FRMPD4: variants seen among roughly 807,000 people sequenced by gnomAD.
FRMPD4 encodes FERM and PDZ domain-containing protein 4.
In FRMPD4, 22 loss-of-function variants were observed where a neutral mutation model predicts 94.1. That is an observed-to-expected ratio of 0.23 (90% CI 0.17 to 0.33). The LOEUF (loss-of-function observed/expected upper bound fraction) is 0.33. Ranked by LOEUF, FRMPD4 falls within the 10% of genes least tolerant of loss-of-function variation. The pLI, the probability that FRMPD4 is intolerant of heterozygous loss-of-function variation, is 1.00. For synonymous variants in FRMPD4, 631 were observed against 548.6 expected (o/e 1.15, Z -2.10); for missense variants, 1,111 against 1,339.9 (o/e 0.83, Z 2.67).
chrX:11,915,262 A>G (rs1286651258), intron 3 of FRMPD4, among the ~76,000 whole-genome samples: 1 of 112,641 alleles, frequency 8.9e-6, no homozygotes, highest in Non-Finnish European at 1.9e-5. Context: ...ATGGAAGGGT[A>G]ATAAAACAAT....
chrX:11,909,405 T>C (rs2053984776), intron 3 of FRMPD4, among the ~76,000 whole-genome samples: 1 of 111,935 alleles, frequency 8.9e-6, no homozygotes, highest in African/African-American at 3.2e-5. Flanking sequence ...GCTTCCTTTT[T>C]ATTCCTGACA....
chrX:11,927,186 T>C (rs1601842940), intron 3 of FRMPD4, among the ~76,000 whole-genome samples: 3 of 109,049 alleles, frequency 2.8e-5, no homozygotes, highest in Non-Finnish European at 1.9e-5. Flanking sequence ...GGAATACAGC[T>C]AATGGGGAGG....
chrX:11,973,303 C>T (rs2054350563), intron 3 of FRMPD4, among the ~76,000 whole-genome samples: 1 of 112,071 alleles, frequency 8.9e-6, no homozygotes, highest in South Asian at 3.7e-4. Context: ...TGCTGTGTTT[C>T]AAAGAAAGAT....
chrX:12,503,393 A>G (rs1243484923), intron 2 of FRMPD4, among the ~76,000 whole-genome samples: 1 of 111,980 alleles, frequency 8.9e-6, no homozygotes, highest in Non-Finnish European at 1.9e-5. Flanking sequence ...TCTACCAGCA[A>G]TTCCCACAGT....
chrX:12,549,314 T>C (rs1257090941), intron 2 of FRMPD4, among the ~76,000 whole-genome samples: 3 of 111,947 alleles, frequency 2.7e-5, no homozygotes, highest in African/African-American at 9.7e-5. Flanking sequence ...GACTCTTCTT[T>C]GCAAGTTATT....
At chrX:12,494,473 T>C (rs188584298) in intron 1 of FRMPD4, among the ~76,000 whole-genome samples, 1 of 112,030 alleles carries the variant, frequency 8.9e-6, no homozygotes, top group East Asian at 2.8e-4. Flanking sequence ...ACAAATCTAG[T>C]AAGTGGCAGA....
intron 3 of FRMPD4, among the ~76,000 whole-genome samples, chrX:11,898,166 G>A (rs2053914746): frequency 9.0e-6 from 1 of 111,081 alleles, no homozygotes; most frequent in South Asian, 3.8e-4. Flanking sequence ...AAGAGAGGCA[G>A]TCAGGGCTGG....
At chrX:12,252,263 C>T (rs1175161481) in intron 1 of FRMPD4, among the ~76,000 whole-genome samples, 1 of 111,392 alleles carries the variant, frequency 9.0e-6, no homozygotes, top group Admixed American at 9.6e-5. Flanking sequence ...CTAGGGTATG[C>T]ACAGCTTCTC....
At chrX:12,366,667 T>C (rs1346995257) in intron 1 of FRMPD4, among the ~76,000 whole-genome samples, 1 of 112,401 alleles carries the variant, frequency 8.9e-6, no homozygotes, top group Non-Finnish European at 1.9e-5. Flanking sequence ...AAATCTGATA[T>C]CTCACAAGAG....
intron 1 of FRMPD4, among the ~76,000 whole-genome samples, chrX:12,375,708 C>G (rs2056227600): frequency 8.9e-6 from 1 of 112,311 alleles, no homozygotes; most frequent in African/African-American, 3.2e-5. Context: ...ACAGACATGA[C>G]ACTAGAAGGT....
At chrX:12,464,661 C>T (rs952605679) in intron 1 of FRMPD4, among the ~76,000 whole-genome samples, 1 of 112,033 alleles carries the variant, frequency 8.9e-6, no homozygotes, top group Admixed American at 9.4e-5. Context: ...ATGGTATATA[C>T]ATGACGGCAA....
At chrX:12,431,195 G>T (rs1296613136) in intron 1 of FRMPD4, among the ~76,000 whole-genome samples, 1 of 112,542 alleles carries the variant, frequency 8.9e-6, no homozygotes, top group East Asian at 2.8e-4. Flanking sequence ...TGCTCTCAAG[G>T]AATCAAGGAG....
intron 3 of FRMPD4, among the ~76,000 whole-genome samples, chrX:12,123,989 C>T (rs1413260614): frequency 9.0e-6 from 1 of 111,362 alleles, no homozygotes; most frequent in East Asian, 2.8e-4. Flanking sequence ...CTCTAACCTC[C>T]TCTTTGACCT....
At chrX:12,542,100 G>T (rs1357555853) in intron 2 of FRMPD4, among the ~76,000 whole-genome samples, 1 of 111,768 alleles carries the variant, frequency 8.9e-6, no homozygotes, top group Non-Finnish European at 1.9e-5. Flanking sequence ...AAAATAATAA[G>T]AACTATTTAT....
chrX:12,353,254 A>C (rs1342408595), intron 1 of FRMPD4, among the ~76,000 whole-genome samples: 1 of 112,068 alleles, frequency 8.9e-6, no homozygotes, highest in Non-Finnish European at 1.9e-5. Flanking sequence ...ATTGACCAGC[A>C]CAAGTCCACA....
chrX:12,247,268 C>T (rs1457365550), intron 1 of FRMPD4, among the ~76,000 whole-genome samples: 1 of 111,312 alleles, frequency 9.0e-6, no homozygotes, highest in Non-Finnish European at 1.9e-5. Context: ...TGTCAAATGG[C>T]CCCTGGAAGA....
Position 12,706,479 on chromosome X carries a change from A to G in FRMPD4, c.1198-347A>G, listed in dbSNP as rs145948585. On this transcript the variant is annotated intron_variant, in intron 11 of 16. Coordinates refer to ENST00000675598, the MANE Select transcript of FRMPD4 (RefSeq NM_001368397.1). The stretch of plus-strand genomic sequence containing the variant: ...CACCTTTGTCCCTAATTGCAAGTAG[A>G]AGGCCCACTCACCTCTTGAAATCTC... 6.2e-3 allele frequency among the ~76,000 whole-genome samples: 696 copies of G among 111,674 alleles called. 5 individuals are homozygous for G. Among genetic ancestry groups the G allele is most frequent in the Middle Eastern group, 0.028 (6 of 218 alleles).
intron 2 of FRMPD4, among the ~76,000 whole-genome samples, chrX:12,502,339 A>C (rs2057930932): frequency 8.9e-6 from 1 of 112,405 alleles, no homozygotes; most frequent in Non-Finnish European, 1.9e-5. Flanking sequence ...TGTTTAAGAA[A>C]TATGATAGAT....
intron 1 of FRMPD4, among the ~76,000 whole-genome samples, chrX:12,276,751 G>A (rs2054443163): frequency 9.0e-6 from 1 of 111,470 alleles, no homozygotes; most frequent in Admixed American, 9.5e-5. Flanking sequence ...CTGAGAGGAG[G>A]GGTCCATTCA....
Sources: gnomAD v4.1 joint callset for allele counts (sites outside exome capture counted in the v4.1 genomes callset) on GRCh38, gnomAD v4.1.1 for gene constraint, MANE v1.5 for transcripts, NCBI Gene and HGNC (gene_info 2026-07-23, HGNC 2026-07-21) for gene names.